Variants in SNX24 observed in about 807,000 individuals in gnomAD.
The protein encoded by SNX24 is sorting nexin-24.
SNX24 carries 22 observed loss-of-function variants against 28.7 expected under a neutral mutation model. The ratio of observed to expected loss-of-function variants is 0.77; its 90% confidence interval spans 0.55 to 1.10. The LOEUF is 1.10. Among genes scored for constraint, SNX24 ranks in the 50% least tolerant of loss-of-function variants. The pLI, the probability that SNX24 is intolerant of heterozygous loss-of-function variation, is 0.00. For synonymous variants in SNX24, 69 were observed against 71.5 expected (o/e 0.96, Z 0.18); for missense variants, 221 against 201.1 (o/e 1.10, Z -0.60).
intron 1 of SNX24, among the ~76,000 whole-genome samples, chr5:122,930,037 G>A (rs1012923796): frequency 5.9e-5 from 9 of 152,118 alleles, no homozygotes; most frequent in African/African-American, 2.2e-4. Context: ...ATCAAACTTT[G>A]AAGACATTTG....
At chr5:122,847,741 G>A (rs560747495) in intron 1 of SNX24, among the ~76,000 whole-genome samples, 1 of 152,190 alleles carries the variant, frequency 6.6e-6, no homozygotes, top group Admixed American at 6.5e-5. Flanking sequence ...CAAACCATCT[G>A]CCTAGGCCTC....
chr5:122,951,485 C>T (rs1044381178), intron 3 of SNX24, among the ~76,000 whole-genome samples: 2 of 151,962 alleles, frequency 1.3e-5, no homozygotes, highest in Non-Finnish European at 2.9e-5. Flanking sequence ...TAGTGTTTAC[C>T]AGTTTCTGAA....
rs1272693008 is a variant in SNX24, at chr5:122,942,649, A to G, written c.145-3406A>G. ...GGAGTGGTCACACCAGGAAAAGGAG[A>G]TTGTGTTTGTGGTATCGTGGAATCT... On this transcript the variant is annotated intron_variant, in intron 2 of 6. Transcript: ENST00000261369. 2.6e-5 allele frequency among the ~76,000 whole-genome samples: 4 copies of G among 152,154 alleles called. No individual in the cohort carries two copies. The East Asian group carries it at 7.7e-4, about 29-fold the overall frequency.
intron 1 of SNX24, among the ~76,000 whole-genome samples, chr5:122,893,596 G>C (rs1417530485): frequency 6.6e-6 from 1 of 151,978 alleles, no homozygotes; most frequent in Non-Finnish European, 1.5e-5. Context: ...ATTTCATTTT[G>C]TATCTCTTTT....
At position 123,007,664 on chromosome 5, in the gene SNX24, T is replaced by G; in HGVS notation, c.443-18T>G. The G allele has an allele frequency of 5.7e-6, 9 of 1,569,838 alleles. No homozygotes were observed. Among genetic ancestry groups the G allele is most frequent in the Non-Finnish European group, 6.9e-6 (8 of 1,163,600 alleles). ...GCAGTTTTTCTTTTTTTTTTCTTTT[T>G]TTTTTTCTTTTTTTCAGATTTTCCA... On this transcript the variant is annotated intron_variant, in intron 6 of 6. Transcript: ENST00000261369.
intron 1 of SNX24, among the ~76,000 whole-genome samples, chr5:122,868,849 T>C (rs1204267601): frequency 1.3e-5 from 2 of 152,214 alleles, no homozygotes; most frequent in South Asian, 2.1e-4. Context: ...AATGTTTGAC[T>C]GAATATCTGG....
At chr5:122,969,991 C>G (rs3776183) in intron 3 of SNX24, among the ~76,000 whole-genome samples, 5,871 of 152,038 alleles carry the variant, frequency 0.039, 180 homozygotes, top group East Asian at 0.1. Context: ...AAAAACTACT[C>G]TCTTCACTAA....
chr5:122,972,992 G>T (rs188750311), intron 3 of SNX24, among the ~76,000 whole-genome samples: 6 of 152,320 alleles, frequency 3.9e-5, no homozygotes, highest in Admixed American at 3.9e-4. Context: ...TTGTTCATGG[G>T]CCCATTGGGC....
At chr5:122,879,042 C>A (rs1212323695) in intron 1 of SNX24, among the ~76,000 whole-genome samples, 1 of 151,822 alleles carries the variant, frequency 6.6e-6, no homozygotes, top group African/African-American at 2.4e-5. Flanking sequence ...TTTTTAGTGG[C>A]CCTATTAAAA....
chr5:122,969,697 G>A (rs552560184), intron 3 of SNX24, among the ~76,000 whole-genome samples: 2 of 152,246 alleles, frequency 1.3e-5, no homozygotes, highest in African/African-American at 4.8e-5. Flanking sequence ...GTGTGGATAT[G>A]ATGTTGGAAC....
chr5:123,021,506 C>T (rs1168844915), intron 5 of SNX24, among the ~76,000 whole-genome samples: 2 of 152,146 alleles, frequency 1.3e-5, no homozygotes, highest in African/African-American at 4.8e-5. Flanking sequence ...CTGATGATCT[C>T]CCTTACAATT....
intron 6 of SNX24, among the ~76,000 whole-genome samples, chr5:123,002,779 C>CT (rs1762289562): frequency 6.6e-6 from 1 of 152,238 alleles, no homozygotes; most frequent in Non-Finnish European, 1.5e-5. Context: ...AGTCTTTTCT[C>CT]TGTGCAAAGA....
rs958014168 is a variant in SNX24 at position 122,864,386 on chromosome 5, G to A, written c.60+18693G>A. Among the ~76,000 whole-genome samples, 80 of 152,144 alleles carry A rather than the reference G, an allele frequency of 5.3e-4. 3 individuals carry two copies. The highest frequency in any genetic ancestry group is 6.5e-5 in the Admixed American group (1 of 15,286). ...CTGAAAAAAGGGAAGAATTGTAACC[G>A]CCCAATGGGTTCACCTTTCCTGCTG... is the stretch of plus-strand genomic sequence containing the variant. On this transcript the variant is annotated intron_variant, in intron 1 of 6. Transcript: ENST00000261369.
At chr5:122,929,328 C>T (rs1049322520) in intron 1 of SNX24, among the ~76,000 whole-genome samples, 5 of 152,128 alleles carry the variant, frequency 3.3e-5, no homozygotes, top group African/African-American at 7.2e-5. Flanking sequence ...TTAGGAAAAG[C>T]TTCCCAGGTC....
chr5:122,994,235 G>A (rs1337938652), intron 3 of SNX24, among the ~76,000 whole-genome samples: 1 of 152,122 alleles, frequency 6.6e-6, no homozygotes, highest in Non-Finnish European at 1.5e-5. Flanking sequence ...GAATGCCAGC[G>A]TTCGATTTCA....
intron 3 of SNX24, among the ~76,000 whole-genome samples, chr5:122,953,650 G>A (rs757734848): frequency 2.0e-5 from 3 of 152,138 alleles, no homozygotes; most frequent in Admixed American, 2.0e-4. Context: ...GTAAACTGGC[G>A]TAATATTTAG....
At chr5:122,854,280 G>T (rs970975919) in intron 1 of SNX24, among the ~76,000 whole-genome samples, 2 of 151,990 alleles carry the variant, frequency 1.3e-5, no homozygotes, top group African/African-American at 4.8e-5. Flanking sequence ...AGGCTGAGGC[G>T]GGTGGATCAC....
chr5:122,936,688 G>T, intron 1 of SNX24, 46 bp from the exon 2 acceptor site: 1 of 1,089,276 alleles, frequency 9.2e-7, no homozygotes, highest in South Asian at 1.4e-5. Flanking sequence ...TCAGACAATT[G>T]AGGGTTTTGA....
rs763910163 is a variant in SNX24, at chr5:123,008,443, GGA to G, written c.*695_*696del. The G allele has an allele frequency of 2.9e-5, 7 of 241,010 alleles. No individual in the cohort carries two copies. Among genetic ancestry groups the G allele is most frequent in the Non-Finnish European group, 4.0e-5 (6 of 149,636 alleles). The allele number at this position is 241,010 out of a possible 1,614,324, so 14.9% of individuals were successfully genotyped here. A position where few individuals can be genotyped will look rare whatever the true frequency, so the allele number is the denominator to read the frequency against. On this transcript the variant is annotated 3_prime_UTR_variant, in exon 7 of 7. Transcript: ENST00000261369. ...AAGCCCTTTAGAAGGGTGCCATGTT[GGA>G]AACCTGTACATCCACAACAAGTAGC...
Sources: allele counts gnomAD v4.1 joint callset (sites outside exome capture counted in the v4.1 genomes callset), GRCh38; gene constraint gnomAD v4.1.1; transcripts MANE v1.5; gene names NCBI Gene and HGNC (gene_info 2026-07-23, HGNC 2026-07-21).